GOLGA1: variants seen among roughly 807,000 people sequenced by gnomAD.
GOLGA1 encodes the protein golgin A1.
In GOLGA1, 63 loss-of-function variants were observed where a neutral mutation model predicts 119.7. The observed-to-expected ratio is 0.53, with a 90% CI of 0.43 to 0.65. The LOEUF is 0.65. GOLGA1 is among the 30% of genes least tolerant of loss of function. The pLI, the probability that GOLGA1 is intolerant of heterozygous loss-of-function variation, is 0.00. For synonymous variants in GOLGA1, 318 were observed against 333.4 expected, an observed-to-expected ratio of 0.95 and a Z score of 0.50; for missense variants, 798 against 912.8, an observed-to-expected ratio of 0.87 and a Z score of 1.62.
Position 124,881,689 on chromosome 9 carries a change from G to A in GOLGA1, c.2136+95C>T, listed in dbSNP as rs938655718. 26 of 838,020 alleles carry A rather than the reference G, an allele frequency of 3.1e-5. No homozygotes were observed. Among genetic ancestry groups the A allele is most frequent in the African/African-American group, 1.2e-4 (7 of 58,498 alleles). 51.9% of individuals were successfully genotyped at this position (838,020 alleles called of 1,614,324 possible). ...ACAAGGGCGTCAAACCAGGATGTAC[G>A]AGGAAAAGAGAGAAAGGGGCTGGGC... On this transcript the variant is annotated intron_variant, in intron 21 of 22. Coordinates refer to ENST00000373555, the MANE Select transcript of GOLGA1 (RefSeq NM_002077.4). The surrounding 1 kb of genome is among the most constrained non-coding windows in gnomAD (Gnocchi z 4.9).
chr9:124,922,859 A>AAAAACAAAAC (rs375638415), intron 8 of GOLGA1, among the ~76,000 whole-genome samples: 1 of 152,104 alleles, frequency 6.6e-6, no homozygotes, highest in Non-Finnish European at 1.5e-5. Context: ...CCCAGTAGTT[A>AAAAACAAAAC]AAAACAAAAC....
chr9:124,917,937 C>G (rs1380814280), intron 10 of GOLGA1, among the ~76,000 whole-genome samples: 1 of 152,088 alleles, frequency 6.6e-6, no homozygotes, highest in Admixed American at 6.5e-5. Flanking sequence ...ACTGCAACCT[C>G]CACCTCCTGG....
At chr9:124,887,502 G>A (rs1354939968) in intron 19 of GOLGA1, 1 of 151,542 alleles carries the variant, frequency 6.6e-6, no homozygotes, top group Non-Finnish European at 1.5e-5. Flanking sequence ...CAATAATCGC[G>A]CCTCGGATAG....
rs546834049 is a variant in GOLGA1, at chr9:124,926,706, A to G, written c.432+3T>C. 2 of 1,575,638 alleles carry G rather than the reference A, an allele frequency of 1.3e-6. No individual in the cohort carries two copies. The highest frequency in any genetic ancestry group is 1.1e-5 in the South Asian group (1 of 90,208). On this transcript the variant is annotated splice_donor_region_variant and intron_variant, in intron 7 of 22. Coordinates refer to ENST00000373555, the MANE Select transcript of GOLGA1 (RefSeq NM_002077.4). ...AATGAGACAAAAATAAAGATGAACT[A>G]ACCTTTTCAAGCTGATCCATCTTTT... is the stretch of plus-strand genomic sequence containing the variant.
chr9:124,895,688 G>C (rs1467965859), intron 15 of GOLGA1, among the ~76,000 whole-genome samples: 1 of 144,778 alleles, frequency 6.9e-6, no homozygotes, highest in African/African-American at 2.6e-5. Flanking sequence ...CTCCACAACA[G>C]AGAACCCTCC....
In GOLGA1 at chr9:124,904,221, T is replaced by A. The variant is rs185749664; in HGVS notation, c.1066-3674A>T. The stretch of plus-strand genomic sequence containing the variant: ...TGTATGATTCCACCAACAGGAGGTA[T>A]CTAGAGTGTCCAAACTCAAAGAGAC... On this transcript the variant is annotated intron_variant, in intron 12 of 22. Transcript: ENST00000373555. 7.0e-4 allele frequency among the ~76,000 whole-genome samples: 107 copies of A among 152,022 alleles called. 1 individual carries two copies. The highest frequency in any genetic ancestry group is 4.3e-3 in the Admixed American group (65 of 15,258).
At chr9:124,940,612 G>A (rs925463453) in intron 1 of GOLGA1, among the ~76,000 whole-genome samples, 1 of 152,212 alleles carries the variant, frequency 6.6e-6, no homozygotes, top group African/African-American at 2.4e-5. Flanking sequence ...AGGCAGGCAG[G>A]TGCCTGCCAC....
At position 124,913,484 on chromosome 9, in the gene GOLGA1, TA is replaced by T. The variant is rs1830379227; in HGVS notation, c.844-1459del. ...ACTTCCGTTGCTCCATTTCAAGCCA[TA>T]AACTTTCATGTTCAGTTGTAACTTG... On this transcript the variant is annotated intron_variant, in intron 10 of 22. Coordinates refer to ENST00000373555, the MANE Select transcript of GOLGA1 (RefSeq NM_002077.4). Among the ~76,000 whole-genome samples, 3 of 152,224 alleles carry T rather than the reference TA, an allele frequency of 2.0e-5. 1 individual carries two copies. The highest frequency in any genetic ancestry group is 7.2e-5 in the African/African-American group (3 of 41,458).
chr9:124,895,492 GAGA>G (rs1284209320), intron 15 of GOLGA1, among the ~76,000 whole-genome samples: 8 of 132,314 alleles, frequency 6.0e-5, no homozygotes, highest in African/African-American at 2.0e-4. Flanking sequence ...CTCCACAACA[GAGA>G]ACCCTCCACA....
chr9:124,914,730 G>T (rs1210690366), intron 10 of GOLGA1, among the ~76,000 whole-genome samples: 2 of 152,220 alleles, frequency 1.3e-5, no homozygotes, highest in African/African-American at 2.4e-5. Flanking sequence ...CTAGCCCAAA[G>T]GCATATACCT....
Position 124,880,429 on chromosome 9 carries a change from C to G in GOLGA1, c.*101G>C, listed in dbSNP as rs1362883659. On this transcript the variant is annotated 3_prime_UTR_variant, in exon 23 of 23. Transcript: ENST00000373555. ...AATGTTTAGACACTTGTACAAAATA[C>G]TGCAGTTACAGTGATTAAAAACCCA... 9.7e-6 allele frequency: 7 copies of G among 719,818 alleles called. No individual in the cohort carries two copies. Among genetic ancestry groups the G allele is most frequent in the Non-Finnish European group, 1.8e-5 (7 of 383,080 alleles). 44.6% of individuals were successfully genotyped at this position (719,818 alleles called of 1,614,324 possible). A position where few individuals can be genotyped will look rare whatever the true frequency, so the allele number is the denominator to read the frequency against.
At chr9:124,911,190 C>T (rs76010317) in intron 11 of GOLGA1, among the ~76,000 whole-genome samples, 4,428 of 152,294 alleles carry the variant, frequency 0.029, 230 homozygotes, top group African/African-American at 0.097. Context: ...GGAAGAGAGA[C>T]TGATGCTGGG....
chr9:124,888,856 C>T lies in GOLGA1; in HGVS notation c.1761+287G>A, dbSNP rs549253575. 3.5e-4 allele frequency among the ~76,000 whole-genome samples: 53 copies of T among 152,288 alleles called. No homozygotes were observed. Among genetic ancestry groups the T allele is most frequent in the Non-Finnish European group, 5.7e-4 (39 of 68,014 alleles). On this transcript the variant is annotated intron_variant, in intron 18 of 22. Coordinates refer to ENST00000373555, the MANE Select transcript of GOLGA1 (RefSeq NM_002077.4). This position sits in a 1 kb window ranked among gnomAD's most constrained non-coding sequence, Gnocchi z 4.4. The stretch of plus-strand genomic sequence containing the variant: ...CTGGGACTACAGGCACTCGCCACCA[C>T]GCCTAGCTAATTTTTTGTATTTTTA...
chr9:124,899,250 C>T (rs1830046727), intron 14 of GOLGA1, 79 bp downstream of exon 14: 2 of 1,353,762 alleles, frequency 1.5e-6, no homozygotes, highest in East Asian at 2.5e-5. Flanking sequence ...GGTGGTGACA[C>T]ACTGTCAAGC....
intron 12 of GOLGA1, among the ~76,000 whole-genome samples, chr9:124,901,217 T>C (rs1830098175): frequency 6.6e-6 from 1 of 151,356 alleles, no homozygotes; most frequent in South Asian, 2.1e-4. Flanking sequence ...GTGATCCACC[T>C]GCCTTAGCCT....
At chr9:124,909,048 A>C (rs78924056) in intron 11 of GOLGA1, among the ~76,000 whole-genome samples, 4,834 of 152,236 alleles carry the variant, frequency 0.032, 232 homozygotes, top group East Asian at 0.23. Flanking sequence ...GGTGGCTCAC[A>C]CCTGTAATCC....
Position 124,903,539 on chromosome 9 carries a change from C to T in GOLGA1, c.1066-2992G>A, listed in dbSNP as rs1312619412. ...TGGGCTTACAGAACGGGGGCTCGTGCCTGCAAGCCAAGCACTTAGGGAAAC... is the reference window on the plus strand; with the variant it reads ...TGGGCTTACAGAACGGGGGCTCGTGTCTGCAAGCCAAGCACTTAGGGAAAC... On this transcript the variant is annotated intron_variant, in intron 12 of 22. Coordinates refer to ENST00000373555, the MANE Select transcript of GOLGA1 (RefSeq NM_002077.4). Among the ~76,000 whole-genome samples, 7 of 151,052 alleles carry T rather than the reference C, an allele frequency of 4.6e-5. No homozygotes were observed. The South Asian group carries it at 1.5e-3, about 32-fold the overall frequency.
chr9:124,900,462 A>G lies in GOLGA1; in HGVS notation c.1151T>C (p.Ile384Thr), dbSNP rs1830080228. The change falls in exon 13 of 23, where the codon ATA (isoleucine) becomes ACA (threonine). Residue 384 changes from isoleucine (I) to threonine (T), a missense_variant. Physicochemically the swap from Ile to Thr is moderately conservative, Grantham distance 89. Transcript: ENST00000373555. ...CCAATAAGCACTTACGAGCTCCTGT[A>G]TCTGAGTTTCCTGGGCAGCCACAAT... ...KGIVAAQETQ[I>T]QELAAANQES... 6.5e-7 allele frequency: 1 copy of G among 1,541,166 alleles called. No homozygotes were observed. The highest frequency in any genetic ancestry group is 9.0e-7 in the Non-Finnish European group (1 of 1,113,454).
At chr9:124,941,471 G>A (rs977243030), upstream of GOLGA1, among the ~76,000 whole-genome samples, 1 of 152,126 alleles carries the variant, frequency 6.6e-6, no homozygotes, top group African/African-American at 2.4e-5. Flanking sequence ...GCGCCCCCCC[G>A]CGCCGCCCGG....
Sources: gnomAD v4.1 joint callset for allele counts (sites outside exome capture counted in the v4.1 genomes callset) on GRCh38, gnomAD v4.1.1 for gene constraint, Gnocchi (gnomAD v3.1) non-coding constraint, MANE v1.5 for transcripts, NCBI Gene and HGNC (gene_info 2026-07-23, HGNC 2026-07-21) for gene names.